POT1: variants seen among roughly 807,000 people sequenced by gnomAD.
The protein encoded by POT1 is protection of telomeres protein 1.
A neutral mutation model predicts 78.5 loss-of-function variants in POT1; 47 were observed. That is an observed-to-expected ratio of 0.60 (90% CI 0.47 to 0.76). POT1 has a LOEUF of 0.76. Ranked by LOEUF, POT1 falls within the 30% of genes least tolerant of loss-of-function variation. The pLI is 0.00. For missense variants in POT1, 646 were observed against 749.9 expected, an observed-to-expected ratio of 0.86 and a Z score of 1.62; for synonymous variants, 259 against 260.7, an observed-to-expected ratio of 0.99 and a Z score of 0.06.
intron 14 of POT1, chr7:124,837,277 C>A: frequency 5.8e-6 from 1 of 173,176 alleles, no homozygotes; most frequent in Non-Finnish European, 1.3e-5. Flanking sequence ...ATAGTCTATT[C>A]AGTAAATTAT....
rs34589900 is a variant in POT1 at position 124,829,420 on chromosome 7, CAT to C, written c.1506-80_1506-79del. On this transcript the variant is annotated intron_variant, in intron 15 of 18. Coordinates refer to ENST00000357628, the MANE Select transcript of POT1 (RefSeq NM_015450.3). ...TTGTTATAACTTTTTACTGCTCAAA[CAT>C]GTGTAGTTTTAAAATATAAATTATT... The C allele has an allele frequency of 4.1e-3, 3,444 of 838,518 alleles. 82 individuals are homozygous for C. The African/African-American group carries it at 0.048, about 12-fold the overall frequency. The allele number at this position is 838,518 out of a possible 1,614,324, so 51.9% of individuals were successfully genotyped here. A position where few individuals can be genotyped will look rare whatever the true frequency, so the allele number is the denominator to read the frequency against.
intron 6 of POT1, among the ~76,000 whole-genome samples, chr7:124,886,970 G>A (rs1796256898): frequency 6.6e-6 from 1 of 151,878 alleles, no homozygotes; most frequent in South Asian, 2.1e-4. Context: ...ATCTTCTATA[G>A]ATACATTATT....
intron 9 of POT1, chr7:124,853,552 T>C (rs2116507114): frequency 6.5e-6 from 1 of 152,738 alleles, no homozygotes; most frequent in Non-Finnish European, 1.5e-5. Flanking sequence ...AGTTTAAGGA[T>C]TAATTAAATA....
intron 6 of POT1, among the ~76,000 whole-genome samples, chr7:124,891,930 C>T (rs956513494): frequency 8.6e-5 from 13 of 151,486 alleles, no homozygotes; most frequent in South Asian, 2.1e-4. Context: ...CAGAATTAAA[C>T]GTGATTTATG....
intron 2 of POT1, among the ~76,000 whole-genome samples, chr7:124,924,657 CACAAAA>C (rs1797231333): frequency 6.6e-6 from 1 of 151,748 alleles, no homozygotes; most frequent in Admixed American, 6.6e-5. Flanking sequence ...AGACAAAGAA[CACAAAA>C]ACAAAAACTA....
chr7:124,867,741 G>A (rs952291389), intron 7 of POT1, among the ~76,000 whole-genome samples: 5 of 152,048 alleles, frequency 3.3e-5, no homozygotes, highest in African/African-American at 9.6e-5. Context: ...CTGCCTCCCG[G>A]GTTCAAGCAA....
chr7:124,925,280 G>C (rs1563026158), intron 2 of POT1, among the ~76,000 whole-genome samples: 1 of 151,978 alleles, frequency 6.6e-6, no homozygotes, highest in Non-Finnish European at 1.5e-5. Context: ...CAAAATCAAT[G>C]TACAAAAATC....
chr7:124,885,630 G>A (rs910812407), intron 6 of POT1, among the ~76,000 whole-genome samples: 1 of 152,062 alleles, frequency 6.6e-6, no homozygotes, highest in African/African-American at 2.4e-5. Flanking sequence ...GCCAGGCGTG[G>A]TGGCTGGTGC....
At chr7:124,843,210 G>A in intron 12 of POT1, 1 of 295,816 alleles carries the variant, frequency 3.4e-6, no homozygotes, top group Non-Finnish European at 6.2e-6. Flanking sequence ...GAAGAAATAA[G>A]TAACTTAACT....
At chr7:124,851,529 T>G (rs1795305957) in intron 11 of POT1, among the ~76,000 whole-genome samples, 1 of 152,332 alleles carries the variant, frequency 6.6e-6, no homozygotes, top group South Asian at 2.1e-4. Context: ...AGTATTTGGG[T>G]TATGCGAAAT....
intron 14 of POT1, among the ~76,000 whole-genome samples, chr7:124,835,745 C>T (rs1794885429): frequency 6.6e-6 from 1 of 152,154 alleles, no homozygotes; most frequent in Non-Finnish European, 1.5e-5. Flanking sequence ...AAGTTATGAT[C>T]AGATTCTCAC....
intron 3 of POT1, among the ~76,000 whole-genome samples, chr7:124,905,349 T>A (rs1435295297): frequency 6.6e-6 from 1 of 152,144 alleles, no homozygotes; most frequent in East Asian, 1.9e-4. Context: ...CATCTGATCT[T>A]TGACAAACCT....
chr7:124,897,442 A>G (rs1796519452), intron 4 of POT1, among the ~76,000 whole-genome samples: 1 of 151,952 alleles, frequency 6.6e-6, no homozygotes, highest in African/African-American at 2.4e-5. Flanking sequence ...TACTTTATTA[A>G]AATATTAGTG....
Position 124,824,026 on chromosome 7 carries a change from T to C in POT1, c.1841A>G (p.Asn614Ser), listed in dbSNP as rs202024401. The change falls in exon 19 of 19, where the codon AAT becomes AGT. Residue 614 changes from asparagine (N) to serine (S), a missense_variant. Asn to Ser is a conservative substitution (Grantham distance 46). Around this residue, in one of 2 missense-constraint regions of POT1, gnomAD observed 394 missense variants for 408.4 expected, o/e 0.96. Coordinates refer to ENST00000357628, the MANE Select transcript of POT1 (RefSeq NM_015450.3). ...ATAGCAAATTTGATTATCTGTTCCA[T>C]TTGTGACATTGTATGACTTGATGAA... ...ECFIKSYNVT[N>S]GTDNQICYQI... 79 of 1,609,552 alleles carry C rather than the reference T, an allele frequency of 4.9e-5. No individual in the cohort carries two copies. Among genetic ancestry groups the C allele is most frequent in the Non-Finnish European group, 5.9e-5 (70 of 1,177,116 alleles).
At chr7:124,846,505 A>G (rs956860134) in intron 12 of POT1, among the ~76,000 whole-genome samples, 2 of 151,880 alleles carry the variant, frequency 1.3e-5, no homozygotes, top group Non-Finnish European at 2.9e-5. Context: ...TACTAACATT[A>G]AATTAAAATT....
chr7:124,903,285 T>A (rs1410781597), intron 3 of POT1, among the ~76,000 whole-genome samples: 1 of 152,154 alleles, frequency 6.6e-6, no homozygotes, highest in African/African-American at 2.4e-5. Context: ...AAAGCACTCC[T>A]CAGCAAATAT....
chr7:124,891,469 G>A (rs1299825488), intron 6 of POT1, among the ~76,000 whole-genome samples: 1 of 151,238 alleles, frequency 6.6e-6, no homozygotes, highest in East Asian at 1.9e-4. Context: ...AATGCACTCA[G>A]CTACTCTATG....
intron 2 of POT1, among the ~76,000 whole-genome samples, chr7:124,918,707 CAT>C (rs945459006): frequency 7.2e-5 from 11 of 152,124 alleles, no homozygotes; most frequent in Non-Finnish European, 1.2e-4. Context: ...CCCAGAATTA[CAT>C]GTTTACAATT....
chr7:124,926,773 A>C lies in POT1; in HGVS notation c.-227+2042T>G, dbSNP rs538830370. Among the ~76,000 whole-genome samples, 32 of 152,364 alleles carry C rather than the reference A, an allele frequency of 2.1e-4. No homozygotes were observed. The Middle Eastern group carries it at 0.017, about 81-fold the overall frequency. On this transcript the variant is annotated intron_variant, in intron 2 of 18. Coordinates refer to ENST00000357628, the MANE Select transcript of POT1 (RefSeq NM_015450.3). Reference sequence around the variant, plus strand: ...AAAAGAATGAAATTATGTCTTTTGCAGCAACATGGATAGAAATGGAGACCA... The same window carrying C: ...AAAAGAATGAAATTATGTCTTTTGCCGCAACATGGATAGAAATGGAGACCA...
Sources: allele counts gnomAD v4.1 joint callset (sites outside exome capture counted in the v4.1 genomes callset), GRCh38; gene constraint gnomAD v4.1.1; regional missense constraint gnomAD v4.1.1; transcripts MANE v1.5; gene names NCBI Gene and HGNC (gene_info 2026-07-23, HGNC 2026-07-21).